Variants in TAF5L observed in about 807,000 individuals in gnomAD.
TAF5L encodes TAF5-like RNA polymerase II p300/CBP-associated factor-associated factor 65 kDa subunit 5L.
A neutral mutation model predicts 51.3 loss-of-function variants in TAF5L; 7 were observed. The ratio of observed to expected loss-of-function variants is 0.14; its 90% CI spans 0.08 to 0.26. The LOEUF (loss-of-function observed/expected upper bound fraction) is 0.26. Ranked by LOEUF, TAF5L falls within the 10% of genes least tolerant of loss-of-function variation. The probability of loss-of-function intolerance (pLI) is 1.00; values close to 1 mark genes in which losing one functional copy is unlikely to be tolerated. For synonymous variants in TAF5L, 291 were observed against 308.1 expected (o/e 0.94, Z 0.58); for missense variants, 575 against 758.9 (o/e 0.76, Z 2.85).
Position 229,614,367 on chromosome 1 carries a change from G to C in TAF5L, c.116C>G (p.Ala39Gly), listed in dbSNP as rs150438648. ...TGTTAGATTGGCCGCCATCTCTTCA[G>C]CAGTCTGTGACAGCCGCAGTCCTTG... Residue 39 changes from alanine (A) to glycine (G), a missense_variant, in exon 2 of 5, where the codon GCT becomes GGT. Around this residue, in one of 3 missense-constraint regions of TAF5L, gnomAD observed 380 missense variants for 443.7 expected, o/e 0.86. Transcript: ENST00000258281. 29 of 1,614,100 alleles carry C rather than the reference G, an allele frequency of 1.8e-5. No homozygotes were observed. The highest frequency in any genetic ancestry group is 2.3e-5 in the Non-Finnish European group (27 of 1,180,044).
chr1:229,619,022 C>CT (rs988302215), intron 1 of TAF5L, among the ~76,000 whole-genome samples: 9 of 152,110 alleles, frequency 5.9e-5, no homozygotes, highest in African/African-American at 2.2e-4. Context: ...GTAATTGTAT[C>CT]TTTTTTCCAA....
At chr1:229,606,471 G>A in intron 3 of TAF5L, 1 of 985,326 alleles carries the variant, frequency 1.0e-6, no homozygotes. Context: ...TTTTTCATGA[G>A]TTCATGGAAA....
intron 3 of TAF5L, among the ~76,000 whole-genome samples, chr1:229,604,824 G>C (rs998763639): frequency 6.6e-6 from 1 of 152,162 alleles, no homozygotes; most frequent in Non-Finnish European, 1.5e-5. Flanking sequence ...TGTAATTGTT[G>C]TATTTCTTGT....
intron 3 of TAF5L, among the ~76,000 whole-genome samples, chr1:229,607,590 G>A (rs189545841): frequency 1.3e-5 from 2 of 152,242 alleles, no homozygotes; most frequent in African/African-American, 4.8e-5. Context: ...AGCCTTCTCT[G>A]ACTACCGCCA....
rs560977525 is a variant in TAF5L at position 229,601,703 on chromosome 1, G to A, written c.972+492C>T. 1.3e-4 allele frequency: 126 copies of A among 996,048 alleles called. 1 individual carries two copies. The African/African-American group carries it at 2.0e-3, about 15-fold the overall frequency. The allele number at this position is 996,048 out of a possible 1,614,324, so 61.7% of individuals were successfully genotyped here. ...TCAGAAAGCCAATACCATCCATCCA[G>A]TGTGGTGAGGGTGCAGGGATGCCAG... On this transcript the variant is annotated intron_variant, in intron 4 of 4. Transcript: ENST00000258281.
exon 2 of TAF5L, chr1:229,614,373 T>C: frequency 6.2e-7 from 1 of 1,614,232 alleles, no homozygotes; most frequent in Non-Finnish European, 8.5e-7. Flanking sequence ...TTCAGCAGTC[T>C]GTGACAGCCG....
rs1665414126 is a variant in TAF5L at position 229,625,483 on chromosome 1, A to G, written c.-4+402T>C. On this transcript the variant is annotated intron_variant, in intron 1 of 4. Transcript: ENST00000258281. This position sits in a 1 kb window ranked among gnomAD's most constrained non-coding sequence, Gnocchi z 4.0. The stretch of plus-strand genomic sequence containing the variant: ...GCAAAGACATTTCCTTTTCCCCTAC[A>G]TGCAAAGGAGCTGTGGAGCCGTGCT... 6.6e-6 allele frequency among the ~76,000 whole-genome samples: 1 copy of G among 152,004 alleles called. No homozygotes were observed. The highest frequency in any genetic ancestry group is 2.1e-4 in the South Asian group (1 of 4,820).
chr1:229,599,127 C>G (rs1224576697), intron 4 of TAF5L: 1 of 433,074 alleles, frequency 2.3e-6, no homozygotes, highest in East Asian at 1.6e-4. Context: ...TGCTATGTCA[C>G]TTAACACCTT....
At chr1:229,616,351 C>T (rs368879369) in intron 1 of TAF5L, among the ~76,000 whole-genome samples, 7 of 132,232 alleles carry the variant, frequency 5.3e-5, no homozygotes, top group East Asian at 4.6e-4. Context: ...CCACCTTTTC[C>T]GGAAGTCTAT....
rs1053233664 is a variant in TAF5L, at chr1:229,625,667, C to A, written c.-4+218G>T. On this transcript the variant is annotated intron_variant, in intron 1 of 4. Coordinates refer to ENST00000258281, the Ensembl canonical transcript of TAF5L. The surrounding 1 kb of genome is among the most constrained non-coding windows in gnomAD (Gnocchi z 4.0). ...GCAGGCCACGCCGCCGGCCGCAGCC[C>A]GGGACTCGGGAGGCCGAGGGCGGAG... is the stretch of plus-strand genomic sequence containing the variant. Among the ~76,000 whole-genome samples the A allele has an allele frequency of 2.0e-5, 3 of 149,776 alleles. No homozygotes were observed. Among genetic ancestry groups the A allele is most frequent in the African/African-American group, 7.3e-5 (3 of 41,060 alleles).
intron 3 of TAF5L, among the ~76,000 whole-genome samples, chr1:229,603,856 G>A (rs1363494109): frequency 6.6e-6 from 1 of 152,256 alleles, no homozygotes; most frequent in East Asian, 1.9e-4. Flanking sequence ...TTCATACACA[G>A]TGGGGAGACA....
chr1:229,602,690 T>C lies in TAF5L; in HGVS notation c.477A>G (p.Leu159=). 6.2e-7 allele frequency: 1 copy of C among 1,614,154 alleles called. No homozygotes were observed. Among genetic ancestry groups the C allele is most frequent in the African/African-American group, 1.3e-5 (1 of 75,040 alleles). Residue 159 remains leucine, a synonymous_variant, in exon 4 of 5, where the codon CTA becomes CTG. Transcript: ENST00000258281. This position sits in a 1 kb window ranked among gnomAD's most constrained non-coding sequence, Gnocchi z 4.6. Reference sequence around the variant, plus strand: ...GGAGACGGACCACGTACTTGTTATCTAGGAATGCTCGAAGCTTGAAGTTAG... The same window carrying C: ...GGAGACGGACCACGTACTTGTTATCCAGGAATGCTCGAAGCTTGAAGTTAG...
chr1:229,614,011 C>T (rs1664881301), intron 2 of TAF5L: 1 of 584,874 alleles, frequency 1.7e-6, no homozygotes, highest in Non-Finnish European at 3.0e-6. Flanking sequence ...AGACCCTGTC[C>T]CTAAGGGTCT....
At chr1:229,607,318 G>A (rs1664632647) in intron 3 of TAF5L, 1 of 985,300 alleles carries the variant, frequency 1.0e-6, no homozygotes, top group Non-Finnish European at 1.2e-6. Flanking sequence ...AGATTGCCAA[G>A]CACTTTAATT....
intron 3 of TAF5L, among the ~76,000 whole-genome samples, chr1:229,605,050 G>C (rs983523610): frequency 2.2e-4 from 34 of 151,926 alleles, no homozygotes; most frequent in African/African-American, 7.7e-4. Flanking sequence ...TGATTGTCCT[G>C]CCTCAGCCTA....
At chr1:229,609,065 C>A (rs985744466) in intron 3 of TAF5L, among the ~76,000 whole-genome samples, 1 of 152,180 alleles carries the variant, frequency 6.6e-6, no homozygotes, top group African/African-American at 2.4e-5. Context: ...TTCGTTCAGC[C>A]TGTATTTATG....
chr1:229,594,505 T>C lies in TAF5L; in HGVS notation c.1562A>G (p.Asp521Gly). 6.2e-7 allele frequency: 1 copy of C among 1,614,120 alleles called. No individual in the cohort carries two copies. The highest frequency in any genetic ancestry group is 8.5e-7 in the Non-Finnish European group (1 of 1,179,968). The change falls in exon 5 of 5, where the codon GAC (aspartate) becomes GGC (glycine). Residue 521 changes from aspartate to glycine, a missense_variant. Around this residue, in one of 3 missense-constraint regions of TAF5L, gnomAD observed 91 missense variants for 96.9 expected, o/e 0.94. Coordinates refer to ENST00000258281, the Ensembl canonical transcript of TAF5L. The surrounding 1 kb of genome is among the most constrained non-coding windows in gnomAD (Gnocchi z 7.9). The stretch of plus-strand genomic sequence containing the variant: ...GGAGGCAGAGGCAATCAAGCCGCTG[T>C]CTGGACTGAAGGTGAGGCTGGTGAT...
In TAF5L at chr1:229,602,832, G is replaced by C; in HGVS notation, c.335C>G (p.Pro112Arg). The C allele has an allele frequency of 6.2e-7, 1 of 1,612,422 alleles. No individual in the cohort carries two copies. Among genetic ancestry groups the C allele is most frequent in the Non-Finnish European group, 8.5e-7 (1 of 1,180,020 alleles). ...GTAAAAACTTTCCACTGTGCTCTTC[G>C]GACTGTTTTGGACCAGGTTGAGATG... The change falls in exon 4 of 5, where the codon CCG becomes CGG. Residue 112 changes from proline (P) to arginine (R), a missense_variant. By Grantham distance (103) the Pro-to-Arg change is moderately radical (BLOSUM62 -2). Coordinates refer to ENST00000258281, the Ensembl canonical transcript of TAF5L. The surrounding 1 kb of genome is among the most constrained non-coding windows in gnomAD (Gnocchi z 4.6).
chr1:229,596,087 A>T (rs10799542), intron 4 of TAF5L, among the ~76,000 whole-genome samples: 1 of 151,912 alleles, frequency 6.6e-6, no homozygotes, highest in Non-Finnish European at 1.5e-5. Context: ...CCAGCCTGGG[A>T]AACATAGGGA....
Sources: gnomAD v4.1 joint callset for allele counts (sites outside exome capture counted in the v4.1 genomes callset) on GRCh38, gnomAD v4.1.1 for gene constraint, gnomAD v4.1.1 regional missense constraint, Gnocchi (gnomAD v3.1) non-coding constraint, MANE v1.5 for transcripts, NCBI Gene and HGNC (gene_info 2026-07-23, HGNC 2026-07-21) for gene names.